The following PAN3 variants were observed in gnomAD, a reference collection of about 807,000 sequenced individuals.
PAN3 encodes the protein poly(A) specific ribonuclease subunit PAN3.
A neutral mutation model predicts 96.2 loss-of-function variants in PAN3; 19 were observed. The ratio of observed to expected loss-of-function variants is 0.20; its 90% CI spans 0.14 to 0.29. The LOEUF (loss-of-function observed/expected upper bound fraction) is 0.29, where lower values mean the gene tolerates loss of function less well. Among genes scored for constraint, PAN3 ranks in the 10% least tolerant of loss-of-function variants. The pLI is 1.00. For synonymous variants in PAN3, 433 were observed against 406.6 expected (o/e 1.06, Z -0.78); for missense variants, 882 against 1,108.1 (o/e 0.80, Z 2.90).
At chr13:28,144,314 TC>T (rs1376956405) in intron 1 of PAN3, among the ~76,000 whole-genome samples, 3 of 151,276 alleles carry the variant, frequency 2.0e-5, no homozygotes, top group African/African-American at 7.3e-5. Context: ...CCTCCTGGGT[TC>T]ACGCCATTCC....
chr13:28,288,353 G>T (rs1477954473), intron 18 of PAN3, among the ~76,000 whole-genome samples: 4 of 152,156 alleles, frequency 2.6e-5, no homozygotes, highest in Non-Finnish European at 5.9e-5. Context: ...AGGCTGGAGT[G>T]CAGTGGCCTG....
chr13:28,261,441 A>G lies in PAN3; in HGVS notation c.1394A>G (p.Asp465Gly). The change falls in exon 9 of 19, where the codon GAT becomes GGT. Residue 465 changes from aspartate to glycine, a missense_variant. Asp to Gly is a moderately conservative substitution (Grantham distance 94). Transcript: ENST00000380958. ...CATTTAATAACAATGGCTCAAATTG[A>G]TCAAGCAGATATGCCAGGTAAAAAG... ...NRHLITMAQIDQADMPAVPTE... is the reference protein window; with the variant it reads ...NRHLITMAQIGQADMPAVPTE... 6.2e-7 allele frequency: 1 copy of G among 1,610,960 alleles called. No individual in the cohort carries two copies.
intron 7 of PAN3, among the ~76,000 whole-genome samples, chr13:28,257,406 A>T (rs1885229574): frequency 6.6e-6 from 1 of 151,788 alleles, no homozygotes; most frequent in Non-Finnish European, 1.5e-5. Context: ...AGATGAAGTG[A>T]GTGAGAAAGT....
intron 5 of PAN3, among the ~76,000 whole-genome samples, chr13:28,208,643 CA>C (rs1357474641): frequency 6.6e-6 from 1 of 152,028 alleles, no homozygotes; most frequent in African/African-American, 2.4e-5. Context: ...TGTTTGAGCT[CA>C]AAAAGTTTCA....
intron 1 of PAN3, among the ~76,000 whole-genome samples, chr13:28,168,574 C>T (rs1028865317): frequency 6.6e-6 from 1 of 152,098 alleles, no homozygotes; most frequent in Admixed American, 6.5e-5. Context: ...CAAAAATTAG[C>T]CAGGCATGGT....
intron 6 of PAN3, among the ~76,000 whole-genome samples, chr13:28,248,429 A>C (rs1343970909): frequency 6.6e-6 from 1 of 152,150 alleles, no homozygotes; most frequent in African/African-American, 2.4e-5. Context: ...CCTCTTGCCT[A>C]ATTGCTGGGG....
intron 6 of PAN3, among the ~76,000 whole-genome samples, chr13:28,235,857 A>G (rs1475982935): frequency 6.7e-6 from 1 of 149,674 alleles, no homozygotes; most frequent in Non-Finnish European, 1.5e-5. Flanking sequence ...GACTAGAGGC[A>G]CTCACCACCA....
At chr13:28,186,185 A>C (rs1214590915) in intron 4 of PAN3, among the ~76,000 whole-genome samples, 1 of 152,294 alleles carries the variant, frequency 6.6e-6, no homozygotes, top group African/African-American at 2.4e-5. Flanking sequence ...AAATACAAAA[A>C]TATTTCTTCA....
chr13:28,160,195 C>G (rs1168287029), intron 1 of PAN3, among the ~76,000 whole-genome samples: 1 of 152,096 alleles, frequency 6.6e-6, no homozygotes, highest in Non-Finnish European at 1.5e-5. Context: ...ACCTGCGTCC[C>G]CCTCCCAAAG....
chr13:28,246,452 T>G (rs1004571816), intron 6 of PAN3, among the ~76,000 whole-genome samples: 5 of 152,152 alleles, frequency 3.3e-5, no homozygotes, highest in African/African-American at 1.2e-4. Context: ...TCACTTCTTC[T>G]CTTCTAGCTA....
At chr13:28,143,582 C>G (rs1050674131) in intron 1 of PAN3, among the ~76,000 whole-genome samples, 1 of 152,064 alleles carries the variant, frequency 6.6e-6, no homozygotes, top group Admixed American at 6.6e-5. Flanking sequence ...TGTGACTGAA[C>G]GAATTTTTAA....
chr13:28,171,382 C>G lies in PAN3; in HGVS notation c.431-2890C>G, dbSNP rs2138084532. Among the ~76,000 whole-genome samples the G allele has an allele frequency of 2.0e-5, 3 of 152,262 alleles. No homozygotes were observed. In the South Asian group the frequency reaches 6.2e-4, roughly 32 times the overall value. ...GTTACCACATGGGTGTCCTACAATT[C>G]AATTATGACACTACTTGGAGTTAGT... On this transcript the variant is annotated intron_variant, in intron 1 of 18. Coordinates refer to ENST00000380958, the MANE Select transcript of PAN3 (RefSeq NM_175854.8).
intron 4 of PAN3, among the ~76,000 whole-genome samples, chr13:28,194,462 A>ATTTTTT: frequency 9.9e-6 from 1 of 101,426 alleles, no homozygotes; most frequent in African/African-American, 5.3e-5. Flanking sequence ...ATATATATAT[A>ATTTTTT]TATATTTTTT....
At chr13:28,190,495 A>G (rs1256686295) in intron 4 of PAN3, among the ~76,000 whole-genome samples, 1 of 152,106 alleles carries the variant, frequency 6.6e-6, no homozygotes, top group Non-Finnish European at 1.5e-5. Flanking sequence ...CCTGGCCTTA[A>G]GCAGTCCTCC....
At chr13:28,258,297 A>G (rs1259247355) in intron 7 of PAN3, among the ~76,000 whole-genome samples, 1 of 152,238 alleles carries the variant, frequency 6.6e-6, no homozygotes, top group African/African-American at 2.4e-5. Context: ...TAAAAGAGAA[A>G]AAAGGTTTCA....
Position 28,270,825 on chromosome 13 carries a change from A to C in PAN3, c.1917A>C (p.Arg639=). The C allele has an allele frequency of 6.2e-7, 1 of 1,613,972 alleles. No homozygotes were observed. The highest frequency in any genetic ancestry group is 1.7e-5 in the Admixed American group (1 of 60,018). The part of the protein sequence containing the change: ...RTIHTAGLAC[R]VMDPTKILIT... ...TTCATACAGCAGGTTTGGCATGTCG[A>C]GTTATGGATCCAACAAAGATTCTGA... Residue 639 remains arginine, a synonymous_variant, in exon 13 of 19, where the codon CGA becomes CGC. Transcript: ENST00000380958.
chr13:28,214,249 G>A (rs912183762), intron 5 of PAN3, among the ~76,000 whole-genome samples: 2 of 152,176 alleles, frequency 1.3e-5, no homozygotes, highest in African/African-American at 4.8e-5. Flanking sequence ...ACGTGTATTT[G>A]TGTACAAAGA....
intron 6 of PAN3, among the ~76,000 whole-genome samples, chr13:28,221,658 A>G (rs1881426983): frequency 6.6e-6 from 1 of 152,024 alleles, no homozygotes; most frequent in African/African-American, 2.4e-5. Context: ...TTCTCTTACT[A>G]CCTGTCTCCC....
chr13:28,291,817 G>A (rs888205644), intron 18 of PAN3, among the ~76,000 whole-genome samples: 26 of 152,064 alleles, frequency 1.7e-4, no homozygotes, highest in African/African-American at 5.6e-4. Context: ...GGCAACGAGC[G>A]AAACTCCATC....
Sources: gnomAD v4.1 joint callset for allele counts (sites outside exome capture counted in the v4.1 genomes callset) on GRCh38, gnomAD v4.1.1 for gene constraint, MANE v1.5 for transcripts, NCBI Gene and HGNC (gene_info 2026-07-23, HGNC 2026-07-21) for gene names.